Variants in CD300LG observed in about 807,000 individuals in gnomAD.
CD300LG encodes CD300 molecule like family member g.
Under a neutral mutation model 31.5 loss-of-function variants are expected in CD300LG, and 29 were observed. The observed-to-expected ratio is 0.92, with a 90% CI of 0.68 to 1.25. The LOEUF (loss-of-function observed/expected upper bound fraction) is 1.25, where lower values mean the gene tolerates loss of function less well. Among genes scored for constraint, CD300LG ranks in the 50% most tolerant of loss-of-function variants. The pLI, the probability that CD300LG is intolerant of heterozygous loss-of-function variation, is 0.00. For synonymous variants in CD300LG, 175 were observed against 177.2 expected (o/e 0.99, Z 0.10); for missense variants, 396 against 417.6 (o/e 0.95, Z 0.45).
chr17:43,848,150 G>A (rs373787613), intron 1 of CD300LG, among the ~76,000 whole-genome samples: 1 of 152,124 alleles, frequency 6.6e-6, no homozygotes, highest in Non-Finnish European at 1.5e-5. Context: ...GCTGAGGCAG[G>A]AGAATCACCT....
intron 6 of CD300LG, among the ~76,000 whole-genome samples, chr17:43,858,878 T>G (rs1010564272): frequency 3.9e-5 from 6 of 152,164 alleles, no homozygotes; most frequent in Non-Finnish European, 7.4e-5. Flanking sequence ...TAAGAGATCT[T>G]GCTAGAAGGA....
intron 6 of CD300LG, chr17:43,861,027 C>A: frequency 4.5e-6 from 4 of 893,138 alleles, no homozygotes; most frequent in Non-Finnish European, 5.4e-6. Flanking sequence ...CACCTCCCTG[C>A]CTTGCCCACC....
chr17:43,856,714 G>A (rs987101218), intron 5 of CD300LG, among the ~76,000 whole-genome samples: 2 of 152,194 alleles, frequency 1.3e-5, no homozygotes, highest in African/African-American at 4.8e-5. Context: ...CCAGCTAGCA[G>A]CGGTGGCAAC....
Position 43,848,839 on chromosome 17 carries a change from G to T in CD300LG, c.325G>T (p.Val109Phe), listed in dbSNP as rs2046264339. 6.2e-7 allele frequency: 1 copy of T among 1,614,058 alleles called. No homozygotes were observed. Among genetic ancestry groups the T allele is most frequent in the Non-Finnish European group, 8.5e-7 (1 of 1,180,012 alleles). The part of the protein sequence containing the change: ...LQDAGEYWCG[V>F]EKRGPDESLL... The stretch of plus-strand genomic sequence containing the variant: ...AGACGCTGGGGAGTACTGGTGTGGG[G>T]TCGAAAAACGGGGCCCCGATGAGTC... The change falls in exon 2 of 7, where the codon GTC becomes TTC. Residue 109 changes from valine to phenylalanine, a missense_variant. Transcript: ENST00000317310.
chr17:43,860,573 C>T (rs1282705962), intron 6 of CD300LG, among the ~76,000 whole-genome samples: 1 of 152,198 alleles, frequency 6.6e-6, no homozygotes, highest in Non-Finnish European at 1.5e-5. Context: ...AGCAGCCAGG[C>T]CCGGGTCAGA....
chr17:43,857,626 G>T (rs1003857727), intron 6 of CD300LG: 7 of 1,118,902 alleles, frequency 6.3e-6, no homozygotes, highest in Non-Finnish European at 9.1e-6. Flanking sequence ...CTCCAGGGGT[G>T]GGGTCCAGGG....
chr17:43,847,178 A>G lies in CD300LG; in HGVS notation c.-39A>G, dbSNP rs1461043541. On this transcript the variant is annotated 5_prime_UTR_variant, in exon 1 of 7. Coordinates refer to ENST00000317310, the MANE Select transcript of CD300LG (RefSeq NM_145273.4). ...CCCGTGTGACTGAAGAGGAGCTCACAGTTCCCAGCGTCTGCTCCCACGGTG... is the reference window on the plus strand; with the variant it reads ...CCCGTGTGACTGAAGAGGAGCTCACGGTTCCCAGCGTCTGCTCCCACGGTG... The G allele has an allele frequency of 6.2e-7, 1 of 1,611,164 alleles. No homozygotes were observed. The highest frequency in any genetic ancestry group is 8.5e-7 in the Non-Finnish European group (1 of 1,178,614).
At chr17:43,851,720 C>T (rs1457791593) in intron 2 of CD300LG, among the ~76,000 whole-genome samples, 1 of 143,064 alleles carries the variant, frequency 7.0e-6, no homozygotes, top group Non-Finnish European at 1.5e-5. Context: ...GCGATCTCGG[C>T]TAATTTTTTG....
intron 5 of CD300LG, among the ~76,000 whole-genome samples, chr17:43,856,146 A>C (rs8064825): frequency 0.092 from 13,980 of 152,128 alleles, 2,023 homozygotes; most frequent in African/African-American, 0.3. Context: ...ATTTAACCCA[A>C]TATATCCCAA....
In CD300LG at chr17:43,862,343, T is replaced by C. The variant is rs573122012; in HGVS notation, c.*432T>C. 1.3e-5 allele frequency: 2 copies of C among 153,034 alleles called. No individual in the cohort carries two copies. Among genetic ancestry groups the C allele is most frequent in the East Asian group, 3.9e-4 (2 of 5,190 alleles). 9.5% of individuals were successfully genotyped at this position (153,034 alleles called of 1,614,324 possible). On this transcript the variant is annotated 3_prime_UTR_variant, in exon 7 of 7. Coordinates refer to ENST00000317310, the MANE Select transcript of CD300LG (RefSeq NM_145273.4). ...CGTCCTCAGACTTAGTCCCACGGTC[T>C]CCTGCATCAGCTGGTGATGAAGAGG...
At chr17:43,860,427 G>A (rs994216691) in intron 6 of CD300LG, among the ~76,000 whole-genome samples, 1 of 152,248 alleles carries the variant, frequency 6.6e-6, no homozygotes, top group Non-Finnish European at 1.5e-5. Context: ...TCACTGTCCA[G>A]GAAACCCCAG....
intron 6 of CD300LG, among the ~76,000 whole-genome samples, chr17:43,858,831 G>A (rs55703854): frequency 0.052 from 7,957 of 152,236 alleles, 693 homozygotes; most frequent in African/African-American, 0.18. Flanking sequence ...AAAACCCTGA[G>A]GGAAGTCTTA....
At chr17:43,847,374 C>T (rs1470280918) in intron 1 of CD300LG, 115 bp downstream of exon 1, 4 of 1,170,136 alleles carry the variant, frequency 3.4e-6, no homozygotes, top group African/African-American at 3.1e-5. Flanking sequence ...CCTCCTCAGC[C>T]CTAGGGGAGC....
At chr17:43,857,409 C>G (rs1234081787) in intron 6 of CD300LG, 1 of 1,536,728 alleles carries the variant, frequency 6.5e-7, no homozygotes, top group Non-Finnish European at 8.7e-7. Context: ...AGGGTGGGCT[C>G]CAGGAGCCAT....
intron 1 of CD300LG, 128 bp downstream of exon 1, chr17:43,847,387 G>A: frequency 1.0e-6 from 1 of 965,772 alleles, no homozygotes; most frequent in East Asian, 3.1e-5. Flanking sequence ...AGGGGAGCGG[G>A]GCGGGCTGGG....
chr17:43,861,992 C>A lies in CD300LG; in HGVS notation c.*81C>A. 1 of 997,458 alleles carries A rather than the reference C, an allele frequency of 1.0e-6. No individual in the cohort carries two copies. Among genetic ancestry groups the A allele is most frequent in the Non-Finnish European group, 1.4e-6 (1 of 700,648 alleles). The allele number at this position is 997,458 out of a possible 1,614,324, so 61.8% of individuals were successfully genotyped here. A position where few individuals can be genotyped will look rare whatever the true frequency, so the allele number is the denominator to read the frequency against. Reference sequence around the variant, plus strand: ...GCACCGATTCCCGAAAGCTTTCCACCTCAGCCTCAGAGTCCAGCTGCCCGG... The same window carrying A: ...GCACCGATTCCCGAAAGCTTTCCACATCAGCCTCAGAGTCCAGCTGCCCGG... On this transcript the variant is annotated 3_prime_UTR_variant, in exon 7 of 7. Transcript: ENST00000317310.
intron 1 of CD300LG, among the ~76,000 whole-genome samples, chr17:43,848,070 G>A (rs181128084): frequency 1.3e-3 from 196 of 152,164 alleles, no homozygotes; most frequent in Middle Eastern, 3.4e-3. Context: ...GTGAAACCCC[G>A]TCTCTACTAA....
intron 2 of CD300LG, among the ~76,000 whole-genome samples, chr17:43,852,401 AG>A (rs2046385765): frequency 6.6e-6 from 1 of 151,946 alleles, no homozygotes; most frequent in African/African-American, 2.4e-5. Context: ...TTTAGTAGAG[AG>A]GGGGTTTCAC....
At chr17:43,854,141 A>T (rs1461956544) in intron 4 of CD300LG, 97 bp downstream of exon 4, 2 of 903,778 alleles carry the variant, frequency 2.2e-6, no homozygotes, top group African/African-American at 3.4e-5. Flanking sequence ...CTCTAAGCGG[A>T]CGCATCCTCT....
Sources: allele counts gnomAD v4.1 joint callset (sites outside exome capture counted in the v4.1 genomes callset), GRCh38; gene constraint gnomAD v4.1.1; transcripts MANE v1.5; gene names NCBI Gene and HGNC (gene_info 2026-07-23, HGNC 2026-07-21).